LPIN2: variants seen among roughly 807,000 people sequenced by gnomAD.
LPIN2 encodes lipin 2.
LPIN2 carries 55 observed loss-of-function variants against 111.4 expected under a neutral mutation model. The ratio of observed to expected loss-of-function variants is 0.49; its 90% CI spans 0.40 to 0.62. The LOEUF is 0.62. Among genes scored for constraint, LPIN2 ranks in the 20% least tolerant of loss-of-function variants. The pLI is 0.00. For synonymous variants in LPIN2, 425 were observed against 414.0 expected, an observed-to-expected ratio of 1.03 and a Z score of -0.32; for missense variants, 992 against 1,112.1, an observed-to-expected ratio of 0.89 and a Z score of 1.54.
chr18:2,959,609 T>C (rs1331686565), intron 2 of LPIN2, among the ~76,000 whole-genome samples: 1 of 152,196 alleles, frequency 6.6e-6, no homozygotes, highest in East Asian at 1.9e-4. Flanking sequence ...TGTTTTCTAA[T>C]TTGATTGACA....
intron 1 of LPIN2, among the ~76,000 whole-genome samples, chr18:2,968,434 T>C (rs2143271702): frequency 6.6e-6 from 1 of 152,308 alleles, no homozygotes; most frequent in East Asian, 1.9e-4. Context: ...TAAGTCCTTA[T>C]GAAGATAAAC....
In LPIN2 at chr18:2,918,843, A is replaced by G. The variant is rs1406102990; in HGVS notation, c.*1450T>C. 1 of 152,210 alleles carries G rather than the reference A, an allele frequency of 6.6e-6. No homozygotes were observed. The highest frequency in any genetic ancestry group is 1.5e-5 in the Non-Finnish European group (1 of 68,044). 9.4% of individuals were successfully genotyped at this position (152,210 alleles called of 1,614,324 possible). A position where few individuals can be genotyped will look rare whatever the true frequency, so the allele number is the denominator to read the frequency against. ...GCAAACTAAAACATGTAGAGGTTCC[A>G]CTACAACGGCAGGGGCATGAAGAGT... On this transcript the variant is annotated 3_prime_UTR_variant, in exon 20 of 20. Transcript: ENST00000677752.
At chr18:2,927,606 T>A (rs1291268936) in intron 12 of LPIN2, 116 bp downstream of exon 12, 1 of 1,059,590 alleles carries the variant, frequency 9.4e-7, no homozygotes, top group African/African-American at 1.6e-5. Flanking sequence ...GAAACTGCTA[T>A]ATGGTAAAAT....
chr18:2,924,548 T>A lies in LPIN2; in HGVS notation c.1939-2A>T, dbSNP rs1376434519. 5 of 1,613,832 alleles carry A rather than the reference T, an allele frequency of 3.1e-6. No individual in the cohort carries two copies. The highest frequency in any genetic ancestry group is 4.2e-6 in the Non-Finnish European group (5 of 1,179,846). On this transcript the variant is annotated splice_acceptor_variant, in intron 14 of 19. Transcript: ENST00000677752. LOFTEE classifies it high-confidence loss of function. The stretch of plus-strand genomic sequence containing the variant: ...GCCATCGTGGAGCTTCAGTTTTGCC[T>A]TTTAAAAAAGCATAAGAATAAAGAA...
At chr18:2,984,830 T>G (rs1222216114) in intron 1 of LPIN2, among the ~76,000 whole-genome samples, 1 of 151,952 alleles carries the variant, frequency 6.6e-6, no homozygotes, top group Admixed American at 6.6e-5. Context: ...TTCAGTGCTT[T>G]TTTGTGTTAT....
intron 15 of LPIN2, among the ~76,000 whole-genome samples, 196 bp from the exon 16 acceptor site, chr18:2,924,057 T>G (rs1214239866): frequency 1.3e-5 from 2 of 152,206 alleles, no homozygotes; most frequent in African/African-American, 4.8e-5. Flanking sequence ...AAGCGGAGTC[T>G]CACGAGCGCC....
intron 1 of LPIN2, among the ~76,000 whole-genome samples, chr18:2,963,389 C>T (rs1316456566): frequency 6.6e-6 from 1 of 152,050 alleles, no homozygotes; most frequent in Admixed American, 6.5e-5. Context: ...ACAATAAGAA[C>T]CAAGTCAGAC....
chr18:2,929,637 G>A (rs1348032177), intron 9 of LPIN2, among the ~76,000 whole-genome samples: 1 of 152,204 alleles, frequency 6.6e-6, no homozygotes, highest in African/African-American at 2.4e-5. Context: ...CAGGCACAGT[G>A]GCTCACACCT....
intron 9 of LPIN2, among the ~76,000 whole-genome samples, chr18:2,930,958 G>A (rs1018456366): frequency 6.6e-6 from 1 of 152,176 alleles, no homozygotes; most frequent in Non-Finnish European, 1.5e-5. Context: ...GAGAAAACTG[G>A]TGCAGTGTGA....
At chr18:2,966,973 G>C (rs1357988695) in intron 1 of LPIN2, 2 of 152,128 alleles carry the variant, frequency 1.3e-5, no homozygotes, top group Non-Finnish European at 2.9e-5. Context: ...TGTTACCTAG[G>C]ATGTAGGTAA....
At chr18:2,951,452 A>G in intron 3 of LPIN2, 96 bp from the exon 4 acceptor site, 5 of 246,186 alleles carry the variant, frequency 2.0e-5, no homozygotes, top group South Asian at 7.9e-5. Flanking sequence ...ACCATGGTAA[A>G]AAAAAAAAAA....
rs1182118522 is a variant in LPIN2, at chr18:2,925,879, G to A, written c.1794-511C>T. ...AAATTAGCCAGGGGTAGTGACACTT[G>A]TCTGTGGTCCTAACTACTTGGGAGG... On this transcript the variant is annotated intron_variant, in intron 13 of 19. Coordinates refer to ENST00000677752, the MANE Select transcript of LPIN2 (RefSeq NM_001375808.2). This position sits in a 1 kb window ranked among gnomAD's most constrained non-coding sequence, Gnocchi z 4.1. Among the ~76,000 whole-genome samples the A allele has an allele frequency of 1.3e-5, 2 of 151,614 alleles. No homozygotes were observed. The highest frequency in any genetic ancestry group is 2.4e-5 in the African/African-American group (1 of 41,234).
intron 4 of LPIN2, 76 bp downstream of exon 4, chr18:2,950,978 TA>T (rs2077526583): frequency 4.6e-6 from 7 of 1,509,996 alleles, no homozygotes; most frequent in Non-Finnish European, 6.4e-6. Context: ...TGTGTATCCA[TA>T]AAAAAACTGG....
chr18:2,985,436 C>G (rs1028532181), intron 1 of LPIN2: 1 of 152,000 alleles, frequency 6.6e-6, no homozygotes, highest in Non-Finnish European at 1.5e-5. Flanking sequence ...TGTATAACAT[C>G]TTCAATGATC....
At chr18:2,964,672 G>A (rs2077765743) in intron 1 of LPIN2, among the ~76,000 whole-genome samples, 1 of 152,202 alleles carries the variant, frequency 6.6e-6, no homozygotes, top group Non-Finnish European at 1.5e-5. Flanking sequence ...AGTACCCCAA[G>A]CTGACTAAGA....
chr18:2,975,365 A>G (rs2077994543), intron 1 of LPIN2, among the ~76,000 whole-genome samples: 1 of 151,982 alleles, frequency 6.6e-6, no homozygotes, highest in South Asian at 2.1e-4. Context: ...ATGGAGTTTT[A>G]CTCTTGCTGC....
chr18:2,968,545 C>T (rs537351102), intron 1 of LPIN2, among the ~76,000 whole-genome samples: 1 of 151,074 alleles, frequency 6.6e-6, no homozygotes, highest in East Asian at 1.9e-4. Context: ...ATTTGGGAGA[C>T]TGTTAGGAAG....
At chr18:2,926,046 G>A (rs567758939) in intron 13 of LPIN2, among the ~76,000 whole-genome samples, 6 of 152,166 alleles carry the variant, frequency 3.9e-5, no homozygotes, top group Admixed American at 1.3e-4. Context: ...TTAGGAGGCC[G>A]AGGCAGGATT....
chr18:3,007,214 AG>A (rs1227604374), intron 1 of LPIN2, among the ~76,000 whole-genome samples: 1 of 152,042 alleles, frequency 6.6e-6, no homozygotes. Flanking sequence ...TCTGTCGCCC[AG>A]GGCTGTAGTG....
Sources: gnomAD v4.1 joint callset for allele counts (sites outside exome capture counted in the v4.1 genomes callset) on GRCh38, gnomAD v4.1.1 for gene constraint, Gnocchi (gnomAD v3.1) non-coding constraint, MANE v1.5 for transcripts, NCBI Gene and HGNC (gene_info 2026-07-23, HGNC 2026-07-21) for gene names.